Variants in ENAH observed in about 807,000 individuals in gnomAD.
The protein encoded by ENAH is ENAH actin regulator.
ENAH carries 23 observed loss-of-function variants against 78.7 expected under a neutral mutation model. The ratio of observed to expected loss-of-function variants is 0.29; its 90% CI spans 0.21 to 0.41. The LOEUF (loss-of-function observed/expected upper bound fraction) is 0.41, where lower values mean the gene tolerates loss of function less well. Among genes scored for constraint, ENAH ranks in the 10% least tolerant of loss-of-function variants. ENAH has a pLI of 1.00. For synonymous variants in ENAH, 226 were observed against 241.0 expected (o/e 0.94, Z 0.58); for missense variants, 544 against 691.0 (o/e 0.79, Z 2.39).
At chr1:225,503,674 A>AAAAAAAAC (rs2096301509) in intron 11 of ENAH, among the ~76,000 whole-genome samples, 1 of 150,014 alleles carries the variant, frequency 6.7e-6, no homozygotes, top group Admixed American at 6.7e-5. Flanking sequence ...AAAAAAAAAA[A>AAAAAAAAC]AAAACACAAA....
intron 1 of ENAH, among the ~76,000 whole-genome samples, chr1:225,586,968 G>T (rs1278762453): frequency 6.6e-6 from 1 of 151,494 alleles, no homozygotes; most frequent in South Asian, 2.1e-4. Context: ...GTTGGCTGGG[G>T]GACAGAAAAA....
rs2096252520 is a variant in ENAH at position 225,496,978 on chromosome 1, C to T, written c.*797G>A. On this transcript the variant is annotated 3_prime_UTR_variant, in exon 14 of 14. Coordinates refer to ENST00000366843, the MANE Select transcript of ENAH (RefSeq NM_018212.6). ...CATAAATCTAAAAAAGGTTGAAAAC[C>T]TACAGTAAATCTACAATATAGTGTT... The T allele has an allele frequency of 6.6e-6, 1 of 152,532 alleles. No individual in the cohort carries two copies. Among genetic ancestry groups the T allele is most frequent in the African/African-American group, 2.4e-5 (1 of 41,404 alleles). The allele number at this position is 152,532 out of a possible 1,614,324, so 9.4% of individuals were successfully genotyped here.
Position 225,492,588 on chromosome 1 carries a change from T to A in ENAH, c.*5187A>T, listed in dbSNP as rs1238641889. 6.6e-6 allele frequency: 1 copy of A among 152,192 alleles called. No individual in the cohort carries two copies. Among genetic ancestry groups the A allele is most frequent in the African/African-American group, 2.4e-5 (1 of 41,446 alleles). The allele number at this position is 152,192 out of a possible 1,614,324, so 9.4% of individuals were successfully genotyped here. On this transcript the variant is annotated 3_prime_UTR_variant, in exon 14 of 14. Transcript: ENST00000366843. ...GAACGGGGGTGCAGCTCAGTGACTG[T>A]GATTCTTTGGTTCAAACACTTAATT...
At chr1:225,503,346 T>C (rs917986379) in intron 11 of ENAH, among the ~76,000 whole-genome samples, 1 of 152,160 alleles carries the variant, frequency 6.6e-6, no homozygotes, top group African/African-American at 2.4e-5. Flanking sequence ...CAGGCTGCAG[T>C]GTGCATGATC....
chr1:225,626,626 G>T (rs879462382), intron 1 of ENAH, among the ~76,000 whole-genome samples: 1 of 152,198 alleles, frequency 6.6e-6, no homozygotes, highest in Non-Finnish European at 1.5e-5. Context: ...AAAACTGTGA[G>T]AAATAAATTT....
chr1:225,588,821 A>AAAAAAAAG (rs2096860806), intron 1 of ENAH, among the ~76,000 whole-genome samples: 11 of 148,482 alleles, frequency 7.4e-5, no homozygotes, highest in Non-Finnish European at 1.6e-4. Context: ...AAAAAAAAAA[A>AAAAAAAAG]AAAAGGAAAA....
intron 1 of ENAH, chr1:225,581,188 C>T (rs1422076343): frequency 6.7e-6 from 5 of 747,634 alleles, no homozygotes; most frequent in East Asian, 1.3e-4. Context: ...ACATACTTCC[C>T]TATCTTAATA....
intron 1 of ENAH, among the ~76,000 whole-genome samples, chr1:225,586,747 C>T (rs145199472): frequency 3.9e-5 from 6 of 152,080 alleles, no homozygotes; most frequent in African/African-American, 9.6e-5. Context: ...AGAAAAAGGC[C>T]GAGCATGGTG....
intron 1 of ENAH, among the ~76,000 whole-genome samples, chr1:225,639,705 A>AACACAC (rs374646635): frequency 0.081 from 11,176 of 138,482 alleles, 429 homozygotes; most frequent in East Asian, 0.12. Context: ...GGCGGGATTA[A>AACACAC]ACACACACAC....
At chr1:225,531,072 C>T in intron 3 of ENAH, 1 of 398,874 alleles carries the variant, frequency 2.5e-6, no homozygotes, top group Non-Finnish European at 4.4e-6. Flanking sequence ...AAATGAAAAA[C>T]AGGAGAGAGA....
intron 1 of ENAH, among the ~76,000 whole-genome samples, chr1:225,580,958 C>T (rs2096814139): frequency 9.7e-6 from 1 of 103,152 alleles, no homozygotes; most frequent in African/African-American, 3.6e-5. Context: ...ATTTCATAAG[C>T]TCCGTGACTT....
At chr1:225,583,959 C>A (rs2096833002) in intron 1 of ENAH, among the ~76,000 whole-genome samples, 2 of 152,044 alleles carry the variant, frequency 1.3e-5, no homozygotes, top group Non-Finnish European at 1.5e-5. Flanking sequence ...TCAAGACCAG[C>A]CTGGCAAACA....
At chr1:225,518,352 A>C (rs976575928) in intron 5 of ENAH, among the ~76,000 whole-genome samples, 2 of 152,178 alleles carry the variant, frequency 1.3e-5, no homozygotes, top group African/African-American at 4.8e-5. Context: ...CAGAAGAATA[A>C]ATTTAGTTGT....
chr1:225,543,300 CTT>C (rs1457586256), intron 3 of ENAH, among the ~76,000 whole-genome samples: 2 of 152,166 alleles, frequency 1.3e-5, no homozygotes, highest in African/African-American at 4.8e-5. Context: ...AAGGAATTCT[CTT>C]TGTTACAATA....
At chr1:225,525,504 T>C (rs1292242799) in intron 4 of ENAH, among the ~76,000 whole-genome samples, 5 of 152,204 alleles carry the variant, frequency 3.3e-5, no homozygotes, top group African/African-American at 1.2e-4. Context: ...TTTTCTATTC[T>C]TTTGTTTTGC....
chr1:225,652,675 G>A lies in ENAH; in HGVS notation c.5+11C>T. Reference sequence around the variant, plus strand: ...ATGGCCCGCCCGGCCCCCGCCCCGCGCGCCCCTCACCTCATGGTGCCGGCG... The same window carrying A: ...ATGGCCCGCCCGGCCCCCGCCCCGCACGCCCCTCACCTCATGGTGCCGGCG... On this transcript the variant is annotated intron_variant, in intron 1 of 13. Coordinates refer to ENST00000366843, the MANE Select transcript of ENAH (RefSeq NM_018212.6). 3 of 1,279,746 alleles carry A rather than the reference G, an allele frequency of 2.3e-6. No individual in the cohort carries two copies. Among genetic ancestry groups the A allele is most frequent in the South Asian group, 5.0e-5 (2 of 40,046 alleles). The allele number at this position is 1,279,746 out of a possible 1,614,324, so 79.3% of individuals were successfully genotyped here.
At position 225,621,475 on chromosome 1, in the gene ENAH, G is replaced by A. The variant is rs1353947746; in HGVS notation, c.5+31211C>T. On this transcript the variant is annotated intron_variant, in intron 1 of 13. Transcript: ENST00000366843. Reference sequence around the variant, plus strand: ...GCCCGGCTAATTTTTTGTATTTTTAGTAGAGACGGGGTTTCACCGTTTTAG... The same window carrying A: ...GCCCGGCTAATTTTTTGTATTTTTAATAGAGACGGGGTTTCACCGTTTTAG... Among the ~76,000 whole-genome samples the A allele has an allele frequency of 2.6e-5, 4 of 151,660 alleles. No individual in the cohort carries two copies. In the South Asian group the frequency reaches 6.3e-4, roughly 24 times the overall value.
intron 1 of ENAH, among the ~76,000 whole-genome samples, chr1:225,598,802 G>A (rs1198595422): frequency 6.6e-6 from 1 of 150,926 alleles, no homozygotes; most frequent in Non-Finnish European, 1.5e-5. Flanking sequence ...CAAAAGAATA[G>A]AAATGGAAAA....
chr1:225,530,935 GA>G, intron 3 of ENAH: 1 of 411,264 alleles, frequency 2.4e-6, no homozygotes, highest in Non-Finnish European at 4.3e-6. Context: ...AGCATCTGAA[GA>G]GGCACCTAAG....
Sources: allele counts gnomAD v4.1 joint callset (sites outside exome capture counted in the v4.1 genomes callset), GRCh38; gene constraint gnomAD v4.1.1; transcripts MANE v1.5; gene names NCBI Gene and HGNC (gene_info 2026-07-23, HGNC 2026-07-21).